TMEM243: variants seen among roughly 807,000 people sequenced by gnomAD.
TMEM243 encodes the protein MDR1 and mitochondrial taxol resistance associated.
A neutral mutation model predicts 15.0 loss-of-function variants in TMEM243; 20 were observed. The ratio of observed to expected loss-of-function variants is 1.33; its 90% CI spans 0.94 to 1.93. The LOEUF is 1.93. Among genes scored for constraint, TMEM243 ranks in the 30% most tolerant of loss-of-function variants. The pLI is 0.00. For missense variants in TMEM243, 156 were observed against 142.1 expected (o/e 1.10, Z -0.50); for synonymous variants, 72 against 52.7 (o/e 1.37, Z -1.59).
At chr7:87,197,895 A>C (rs748634917) in intron 3 of TMEM243, 46 bp downstream of exon 3, 1 of 1,612,176 alleles carries the variant, frequency 6.2e-7, no homozygotes, top group Non-Finnish European at 8.5e-7. Context: ...TGTGCATTGC[A>C]ACTTAAACCC....
intron 1 of TMEM243, among the ~76,000 whole-genome samples, chr7:87,204,778 G>A (rs1438917273): frequency 6.6e-6 from 1 of 152,160 alleles, no homozygotes; most frequent in African/African-American, 2.4e-5. Context: ...AGCAAGTTTC[G>A]GTGAATCTAC....
intron 1 of TMEM243, among the ~76,000 whole-genome samples, chr7:87,204,201 T>A (rs768624417): frequency 1.3e-5 from 2 of 152,042 alleles, no homozygotes; most frequent in Non-Finnish European, 2.9e-5. Flanking sequence ...GGGGAAACCG[T>A]CCCCATGATT....
intron 1 of TMEM243, among the ~76,000 whole-genome samples, chr7:87,212,270 G>A (rs1424954030): frequency 1.3e-5 from 2 of 152,194 alleles, no homozygotes; most frequent in Non-Finnish European, 2.9e-5. Context: ...AGCTGAGAGA[G>A]CTGAGCTGGC....
At chr7:87,219,776 CCCG>C, upstream of TMEM243, 1 of 469,132 alleles carries the variant, frequency 2.1e-6, no homozygotes, top group Admixed American at 3.9e-5. Flanking sequence ...GCGGGACGCC[CCCG>C]CCCGGGCAGC....
At chr7:87,209,526 G>C (rs1258906691) in intron 1 of TMEM243, among the ~76,000 whole-genome samples, 165 of 57,276 alleles carry the variant, frequency 2.9e-3, no homozygotes, top group African/African-American at 0.013. Context: ...GTGAGAGAGA[G>C]AGTGAGAGAG....
intron 2 of TMEM243, 122 bp downstream of exon 2, chr7:87,198,872 CCAATTAGCAACTG>C: frequency 2.8e-6 from 2 of 705,240 alleles, no homozygotes; most frequent in Admixed American, 6.2e-5. Flanking sequence ...ATTAGCTACT[CCAATTAGCAACTG>C]CAATTTTGTG....
At chr7:87,200,140 G>A (rs1801678948) in intron 1 of TMEM243, among the ~76,000 whole-genome samples, 1 of 152,092 alleles carries the variant, frequency 6.6e-6, no homozygotes, top group Non-Finnish European at 1.5e-5. Flanking sequence ...AATTGGGAGG[G>A]AAAGAGTAAG....
At chr7:87,210,958 C>G (rs1302975294) in intron 1 of TMEM243, among the ~76,000 whole-genome samples, 1 of 152,240 alleles carries the variant, frequency 6.6e-6, no homozygotes, top group Non-Finnish European at 1.5e-5. Flanking sequence ...AGCAACAGCT[C>G]AAGCTATATC....
rs35727923 is a variant in TMEM243, at chr7:87,219,519, CT to C, written c.-17del. 1.9e-6 allele frequency: 3 copies of C among 1,613,646 alleles called. No individual in the cohort carries two copies. The highest frequency in any genetic ancestry group is 2.5e-6 in the Non-Finnish European group (3 of 1,179,546). The stretch of plus-strand genomic sequence containing the variant: ...AGTCCTCCATTTTGGGGTTTCTTCA[CT>C]TTCCCCAAGCCACTTAAAAGCAAGA... On this transcript the variant is annotated 5_prime_UTR_variant, in exon 1 of 4. Transcript: ENST00000257637.
intron 1 of TMEM243, among the ~76,000 whole-genome samples, chr7:87,205,118 G>C (rs1011181819): frequency 4.5e-4 from 69 of 152,326 alleles, no homozygotes; most frequent in Middle Eastern, 3.4e-3. Context: ...AGAGCTGCTG[G>C]GACACAGAGC....
upstream of TMEM243, chr7:87,220,483 G>C (rs759552884): frequency 6.6e-6 from 1 of 152,286 alleles, no homozygotes; most frequent in African/African-American, 2.4e-5. Context: ...CAGATGCGTG[G>C]GAGAGGAATC....
chr7:87,202,037 CGTT>C (rs1250402417), intron 1 of TMEM243, among the ~76,000 whole-genome samples: 1 of 152,108 alleles, frequency 6.6e-6, no homozygotes, highest in Non-Finnish European at 1.5e-5. Flanking sequence ...TAAAGACAGA[CGTT>C]GTGTGCATAC....
chr7:87,203,748 G>A (rs1216868649), intron 1 of TMEM243, among the ~76,000 whole-genome samples: 6 of 152,062 alleles, frequency 3.9e-5, no homozygotes, highest in Non-Finnish European at 4.4e-5. Flanking sequence ...ACTGGATAGA[G>A]TCAAAATTCT....
intron 1 of TMEM243, among the ~76,000 whole-genome samples, chr7:87,217,883 C>T (rs929064005): frequency 1.3e-5 from 2 of 152,178 alleles, no homozygotes; most frequent in Non-Finnish European, 2.9e-5. Context: ...CAGAAAACAT[C>T]AATATTTCTA....
At chr7:87,197,894 C>T in intron 3 of TMEM243, 47 bp downstream of exon 3, 5 of 1,611,862 alleles carry the variant, frequency 3.1e-6, no homozygotes, top group Non-Finnish European at 4.2e-6. Flanking sequence ...CTGTGCATTG[C>T]AACTTAAACC....
intron 1 of TMEM243, among the ~76,000 whole-genome samples, chr7:87,204,788 C>T (rs1802084115): frequency 6.6e-6 from 1 of 152,180 alleles, no homozygotes; most frequent in Non-Finnish European, 1.5e-5. Flanking sequence ...GGTGAATCTA[C>T]CATTCTGGCA....
chr7:87,217,588 T>C (rs1321536512), intron 1 of TMEM243, among the ~76,000 whole-genome samples: 1 of 152,202 alleles, frequency 6.6e-6, no homozygotes, highest in African/African-American at 2.4e-5. Context: ...CTCCATTCTG[T>C]AGAATTTATC....
chr7:87,209,601 A>ACAGT (rs1802502528), intron 1 of TMEM243, among the ~76,000 whole-genome samples: 1 of 147,342 alleles, frequency 6.8e-6, no homozygotes, highest in Non-Finnish European at 1.5e-5. Flanking sequence ...AGACAGTGAG[A>ACAGT]GAGAGAGAGA....
intron 1 of TMEM243, among the ~76,000 whole-genome samples, chr7:87,200,605 G>GAT (rs1801728302): frequency 1.3e-5 from 2 of 152,054 alleles, no homozygotes; most frequent in African/African-American, 4.8e-5. Context: ...TGCCTACCAG[G>GAT]ATCAAAGTAG....
Sources: gnomAD v4.1 joint callset for allele counts (sites outside exome capture counted in the v4.1 genomes callset) on GRCh38, gnomAD v4.1.1 for gene constraint, MANE v1.5 for transcripts, NCBI Gene and HGNC (gene_info 2026-07-23, HGNC 2026-07-21) for gene names.